Variants in CASQ2 observed in about 807,000 individuals in gnomAD.
The protein encoded by CASQ2 is calsequestrin-2.
A neutral mutation model predicts 46.5 loss-of-function variants in CASQ2; 49 were observed. The ratio of observed to expected loss-of-function variants is 1.05; its 90% CI spans 0.84 to 1.34. The LOEUF (loss-of-function observed/expected upper bound fraction) is 1.34. CASQ2 is among the 40% of genes most tolerant of loss of function. CASQ2 has a pLI of 0.00. For synonymous variants in CASQ2, 174 were observed against 168.5 expected (o/e 1.03, Z -0.25); for missense variants, 486 against 481.3 (o/e 1.01, Z -0.09).
At chr1:115,745,529 A>G (rs939050866) in intron 1 of CASQ2, among the ~76,000 whole-genome samples, 2 of 152,154 alleles carry the variant, frequency 1.3e-5, no homozygotes, top group African/African-American at 2.4e-5. Context: ...AGATGGACAG[A>G]TAGCTGAAAA....
chr1:115,740,828 C>G lies in CASQ2; in HGVS notation c.320G>C (p.Gly107Ala). 6.2e-7 allele frequency: 1 copy of G among 1,604,846 alleles called. No homozygotes were observed. The highest frequency in any genetic ancestry group is 1.1e-5 in the South Asian group (1 of 90,874). ...KKEAKLAKKL[G>A]FDEEGSLYIL... ...ATACAGGCTTCCTTCTTCATCAAAA[C>G]CTGTAAGAAACAAAGAGGCCCACAG... The change falls in exon 3 of 11, where the codon GGT becomes GCT. Residue 107 changes from glycine to alanine, a missense_variant and splice_region_variant. Transcript: ENST00000261448.
chr1:115,762,752 A>G (rs1020232219), intron 1 of CASQ2, among the ~76,000 whole-genome samples: 2 of 152,214 alleles, frequency 1.3e-5, no homozygotes, highest in African/African-American at 2.4e-5. Context: ...TCAGGCTGGA[A>G]TGCTGGACTC....
intron 4 of CASQ2, among the ~76,000 whole-genome samples, chr1:115,735,638 C>T (rs1380774380): frequency 6.6e-6 from 1 of 152,060 alleles, no homozygotes; most frequent in East Asian, 1.9e-4. Flanking sequence ...CTGTGTATTC[C>T]TAAGGAAAAG....
intron 1 of CASQ2, among the ~76,000 whole-genome samples, chr1:115,763,991 C>G (rs1273370973): frequency 6.6e-6 from 1 of 152,070 alleles, no homozygotes; most frequent in African/African-American, 2.4e-5. Flanking sequence ...ACTAAATTTA[C>G]TATCTTGGTG....
At chr1:115,717,937 G>A (rs1340809132) in intron 7 of CASQ2, 43 bp from the exon 8 acceptor site, 2 of 1,355,048 alleles carry the variant, frequency 1.5e-6, no homozygotes, top group Middle Eastern at 1.8e-4. Context: ...CAGCTGGAGG[G>A]ATGCAAAGGA....
At chr1:115,722,133 C>A (rs7355132) in intron 7 of CASQ2, among the ~76,000 whole-genome samples, 37,146 of 152,058 alleles carry the variant, frequency 0.24, 4,719 homozygotes, top group East Asian at 0.38. Flanking sequence ...GAATGAGGGG[C>A]TGACTAGGTC....
chr1:115,714,760 C>A (rs1292226744), intron 8 of CASQ2, among the ~76,000 whole-genome samples: 1 of 152,190 alleles, frequency 6.6e-6, no homozygotes, highest in Admixed American at 6.5e-5. Flanking sequence ...CTTTCCCAAC[C>A]CTGAGTGGCA....
intron 5 of CASQ2, among the ~76,000 whole-genome samples, chr1:115,727,801 C>T (rs1647645223): frequency 6.6e-6 from 1 of 152,160 alleles, no homozygotes; most frequent in South Asian, 2.1e-4. Flanking sequence ...GGACAGACCC[C>T]AGTAAGCCAG....
At chr1:115,736,456 G>A (rs761893724) in intron 4 of CASQ2, among the ~76,000 whole-genome samples, 2 of 151,884 alleles carry the variant, frequency 1.3e-5, no homozygotes, top group Non-Finnish European at 2.9e-5. Context: ...GACCAACATG[G>A]TGAAACCCCG....
intron 5 of CASQ2, among the ~76,000 whole-genome samples, chr1:115,731,254 C>A (rs1219468288): frequency 6.6e-6 from 1 of 152,190 alleles, no homozygotes; most frequent in Non-Finnish European, 1.5e-5. Context: ...TACAGTTGCA[C>A]TAGGAGGCAC....
Position 115,733,521 on chromosome 1 carries a change from T to C in CASQ2, c.533-547A>G, listed in dbSNP as rs1353765722. ...TTTTTCATTTTAAAGTTTTCTTTTT[T>C]ATTCTGATGCCTCAAGAGGATTTCT... On this transcript the variant is annotated intron_variant, in intron 4 of 10. Transcript: ENST00000261448. Among the ~76,000 whole-genome samples the C allele has an allele frequency of 1.3e-4, 20 of 152,232 alleles. 1 individual carries two copies.
At chr1:115,752,321 A>T (rs1246207987) in intron 1 of CASQ2, among the ~76,000 whole-genome samples, 1 of 152,190 alleles carries the variant, frequency 6.6e-6, no homozygotes, top group African/African-American at 2.4e-5. Flanking sequence ...GCAATTGTCC[A>T]TGTTGTAGCC....
At chr1:115,757,157 T>C (rs781192891) in intron 1 of CASQ2, among the ~76,000 whole-genome samples, 14 of 152,164 alleles carry the variant, frequency 9.2e-5, no homozygotes, top group South Asian at 2.1e-4. Context: ...TATAATTCCA[T>C]AGGTGAAAGG....
At chr1:115,731,255 T>G (rs1647773340) in intron 5 of CASQ2, among the ~76,000 whole-genome samples, 1 of 152,210 alleles carries the variant, frequency 6.6e-6, no homozygotes, top group Non-Finnish European at 1.5e-5. Context: ...ACAGTTGCAC[T>G]AGGAGGCACT....
intron 6 of CASQ2, 41 bp downstream of exon 6, chr1:115,726,947 TCCCC>T: frequency 9.6e-7 from 1 of 1,036,546 alleles, no homozygotes; most frequent in Non-Finnish European, 1.5e-6. Context: ...TCCTCTCCAT[TCCCC>T]AGACCCCAGG....
chr1:115,703,842 C>T (rs993384147), intron 9 of CASQ2, among the ~76,000 whole-genome samples: 1 of 151,280 alleles, frequency 6.6e-6, no homozygotes, highest in Non-Finnish European at 1.5e-5. Flanking sequence ...AGCCTGGGAG[C>T]TTAAGGCTGC....
chr1:115,751,720 T>A (rs1209031773), intron 1 of CASQ2, among the ~76,000 whole-genome samples: 1 of 151,184 alleles, frequency 6.6e-6, no homozygotes, highest in Non-Finnish European at 1.5e-5. Flanking sequence ...GACAAAAAAA[T>A]AAGGGCTGTG....
At chr1:115,725,057 T>TTTTTG (rs779465981) in intron 7 of CASQ2, among the ~76,000 whole-genome samples, 61 of 151,998 alleles carry the variant, frequency 4.0e-4, no homozygotes, top group Non-Finnish European at 6.2e-4. Flanking sequence ...GTTGTCCATG[T>TTTTTG]TTTTGTTTTG....
At chr1:115,725,115 G>A (rs1010944679) in intron 7 of CASQ2, among the ~76,000 whole-genome samples, 11 of 152,190 alleles carry the variant, frequency 7.2e-5, no homozygotes, top group South Asian at 2.1e-4. Flanking sequence ...TGCCCAGGCT[G>A]GAGCGCAGTG....
Sources: allele counts gnomAD v4.1 joint callset (sites outside exome capture counted in the v4.1 genomes callset), GRCh38; gene constraint gnomAD v4.1.1; transcripts MANE v1.5; gene names NCBI Gene and HGNC (gene_info 2026-07-23, HGNC 2026-07-21).